Variants in AKAP19 observed in about 807,000 individuals in gnomAD.
AKAP19 encodes small A-kinase anchoring protein.
the AKAP19 span, among the ~76,000 whole-genome samples, chr2:189,974,793 A>G: frequency 6.9e-4 from 105 of 152,152 alleles, 3 homozygotes; most frequent in South Asian, 0.022. Flanking sequence ...TCAGAGACTA[A>G]GATTGCAACC....
chr2:190,072,600 T>C, the AKAP19 span, among the ~76,000 whole-genome samples: 22 of 152,190 alleles, frequency 1.4e-4, no homozygotes, highest in Non-Finnish European at 2.8e-4. Context: ...ATGAAACATT[T>C]ACTAAATTGA....
the AKAP19 span, among the ~76,000 whole-genome samples, chr2:190,122,541 T>C: frequency 1.3e-5 from 2 of 152,208 alleles, no homozygotes; most frequent in Non-Finnish European, 2.9e-5. Flanking sequence ...ATTTTTGTAA[T>C]TAAGGCAATT....
At chr2:190,172,914 A>G in the AKAP19 span, among the ~76,000 whole-genome samples, 6 of 152,112 alleles carry the variant, frequency 3.9e-5, no homozygotes, top group Non-Finnish European at 8.8e-5. Context: ...GGAGTTGGAA[A>G]CCAGCCTGCC....
the AKAP19 span, among the ~76,000 whole-genome samples, chr2:190,120,373 T>G: frequency 6.6e-6 from 1 of 152,128 alleles, no homozygotes; most frequent in Non-Finnish European, 1.5e-5. Context: ...GGGGGGGGCC[T>G]GTCTCAGAGG....
chr2:189,934,156 G>A, the AKAP19 span, among the ~76,000 whole-genome samples: 1 of 152,028 alleles, frequency 6.6e-6, no homozygotes, highest in African/African-American at 2.4e-5. Flanking sequence ...AAATTATACA[G>A]AGTAAGAAAA....
the AKAP19 span, among the ~76,000 whole-genome samples, chr2:190,097,623 G>A: frequency 6.6e-6 from 1 of 152,206 alleles, no homozygotes; most frequent in African/African-American, 2.4e-5. Context: ...TGTCAATTAA[G>A]TTTACGGAAT....
At chr2:190,190,066 A>G in the AKAP19 span, 1 of 152,254 alleles carries the variant, frequency 6.6e-6, no homozygotes, top group Non-Finnish European at 1.5e-5. Context: ...AACTGTTCTT[A>G]TATCTTATTA....
chr2:190,008,497 T>C, the AKAP19 span, among the ~76,000 whole-genome samples: 2 of 152,184 alleles, frequency 1.3e-5, no homozygotes, highest in African/African-American at 4.8e-5. Flanking sequence ...AATATCTTTC[T>C]GTCATTTGAT....
the AKAP19 span, among the ~76,000 whole-genome samples, chr2:190,050,595 G>C: frequency 6.6e-6 from 1 of 152,142 alleles, no homozygotes; most frequent in African/African-American, 2.4e-5. Flanking sequence ...TAATAATGTG[G>C]TTTATTAAGA....
At chr2:190,126,649 T>A in the AKAP19 span, among the ~76,000 whole-genome samples, 1 of 152,110 alleles carries the variant, frequency 6.6e-6, no homozygotes, top group Admixed American at 6.5e-5. Flanking sequence ...CAATAACTCT[T>A]GAATACATAA....
the AKAP19 span, among the ~76,000 whole-genome samples, chr2:190,038,892 CTTTCTTTCT>C: frequency 4.7e-5 from 2 of 42,400 alleles, no homozygotes; most frequent in Non-Finnish European, 1.1e-4. Flanking sequence ...TTCTTTCTTT[CTTTCTTTCT>C]TTCTTCTTCT....
the AKAP19 span, among the ~76,000 whole-genome samples, chr2:190,195,108 C>T: frequency 7.9e-5 from 12 of 152,240 alleles, no homozygotes; most frequent in South Asian, 1.0e-3. Flanking sequence ...AAATGATACT[C>T]GCCTCAGCCT....
the AKAP19 span, among the ~76,000 whole-genome samples, chr2:190,053,480 G>A: frequency 2.0e-5 from 3 of 152,082 alleles, no homozygotes; most frequent in Non-Finnish European, 2.9e-5. Flanking sequence ...TGCCATCGAG[G>A]CATGAATGGT....
At chr2:190,087,738 C>T in the AKAP19 span, among the ~76,000 whole-genome samples, 49 of 152,332 alleles carry the variant, frequency 3.2e-4, no homozygotes, top group Admixed American at 6.5e-4. Context: ...GGTCTTTCCA[C>T]CCTGCTCAGG....
chr2:190,197,511 C>T, the AKAP19 span, among the ~76,000 whole-genome samples: 1 of 152,230 alleles, frequency 6.6e-6, no homozygotes, highest in African/African-American at 2.4e-5. This position sits in a 1 kb window ranked among gnomAD's most constrained non-coding sequence, Gnocchi z 4.0. Flanking sequence ...CAATCTTGAA[C>T]TCTATCTTAT....
the AKAP19 span, among the ~76,000 whole-genome samples, chr2:190,047,825 G>C: frequency 6.6e-6 from 1 of 152,184 alleles, no homozygotes; most frequent in Non-Finnish European, 1.5e-5. Flanking sequence ...GATAGGAGAA[G>C]TTTTGTGTCT....
the AKAP19 span, among the ~76,000 whole-genome samples, chr2:190,051,994 C>T: frequency 7.9e-5 from 12 of 152,070 alleles, no homozygotes; most frequent in South Asian, 8.3e-4. Flanking sequence ...CCCGCCACCA[C>T]GCCTGGCTAA....
At chr2:189,978,969 T>C in the AKAP19 span, among the ~76,000 whole-genome samples, 4 of 152,084 alleles carry the variant, frequency 2.6e-5, no homozygotes, top group Admixed American at 2.6e-4. Flanking sequence ...ATGCTTATAG[T>C]TGAAAGAATC....
chr2:189,998,040 A>G, the AKAP19 span, among the ~76,000 whole-genome samples: 1 of 152,182 alleles, frequency 6.6e-6, no homozygotes. Context: ...GCTCTAGGAA[A>G]GCTTAAGTCC....
Sources: gnomAD v4.1 joint callset for allele counts (sites outside exome capture counted in the v4.1 genomes callset) on GRCh38, gnomAD v4.1.1 for gene constraint, Gnocchi (gnomAD v3.1) non-coding constraint, MANE v1.5 for transcripts, NCBI Gene and HGNC (gene_info 2026-07-23, HGNC 2026-07-21) for gene names.